The following DIS3L2 variants were observed in gnomAD, a reference collection of about 807,000 sequenced individuals.
DIS3L2 encodes DIS3-like exonuclease 2.
In DIS3L2, 34 loss-of-function variants were observed where a neutral mutation model predicts 97.5. The observed-to-expected ratio is 0.35, with a 90% CI of 0.27 to 0.46. The LOEUF is 0.46. Among genes scored for constraint, DIS3L2 ranks in the 20% least tolerant of loss-of-function variants. DIS3L2 has a pLI of 1.00. For missense variants in DIS3L2, 1,038 were observed against 1,146.0 expected, an observed-to-expected ratio of 0.91 and a Z score of 1.36; for synonymous variants, 435 against 445.2, an observed-to-expected ratio of 0.98 and a Z score of 0.29.
At chr2:232,079,842 A>G (rs965207162) in intron 5 of DIS3L2, among the ~76,000 whole-genome samples, 1 of 152,192 alleles carries the variant, frequency 6.6e-6, no homozygotes, top group Non-Finnish European at 1.5e-5. Flanking sequence ...AGGTTGTAGT[A>G]TTCTAGGAAC....
At position 231,979,251 on chromosome 2, in the gene DIS3L2, A is replaced by G. The variant is rs563618727; in HGVS notation, c.-94+17486A>G. On this transcript the variant is annotated intron_variant, in intron 1 of 20. Coordinates refer to ENST00000325385, the MANE Select transcript of DIS3L2 (RefSeq NM_152383.5). ...CAGTTTATTTTATTTATTTATTTTT[A>G]TTTAATTTATTTTTTTATTTTGAAA... Among the ~76,000 whole-genome samples, 8 of 151,800 alleles carry G rather than the reference A, an allele frequency of 5.3e-5. No individual in the cohort carries two copies. The South Asian group carries it at 1.7e-3, about 31-fold the overall frequency.
intron 9 of DIS3L2, among the ~76,000 whole-genome samples, chr2:232,182,581 G>T (rs13416596): frequency 0.23 from 35,490 of 151,980 alleles, 7,201 homozygotes; most frequent in African/African-American, 0.55. Flanking sequence ...TTTGCTTTGT[G>T]TATTTTGTGG....
chr2:232,129,022 T>C (rs764648965), intron 6 of DIS3L2, among the ~76,000 whole-genome samples: 5 of 152,206 alleles, frequency 3.3e-5, no homozygotes, highest in African/African-American at 9.6e-5. Context: ...CCCACTTCTA[T>C]GGCTTGCCCT....
intron 10 of DIS3L2, among the ~76,000 whole-genome samples, chr2:232,235,927 G>A (rs905119200): frequency 2.3e-4 from 35 of 152,226 alleles, no homozygotes; most frequent in Non-Finnish European, 4.7e-4. Context: ...GAATGAGGCA[G>A]CTAAGCTTGG....
At chr2:232,248,047 A>G (rs1693313064) in intron 11 of DIS3L2, among the ~76,000 whole-genome samples, 1 of 152,234 alleles carries the variant, frequency 6.6e-6, no homozygotes, top group Non-Finnish European at 1.5e-5. Flanking sequence ...AACAATTGCC[A>G]ATTATTTGTT....
intron 13 of DIS3L2, among the ~76,000 whole-genome samples, chr2:232,271,534 C>T (rs1694008072): frequency 1.3e-5 from 2 of 152,324 alleles, no homozygotes; most frequent in South Asian, 4.1e-4. Flanking sequence ...CTACTTCAAC[C>T]GTGGAGATAG....
At chr2:232,252,773 C>T (rs1198028886) in intron 12 of DIS3L2, among the ~76,000 whole-genome samples, 2 of 151,978 alleles carry the variant, frequency 1.3e-5, no homozygotes, top group African/African-American at 2.4e-5. Context: ...TGGTGGCATG[C>T]GCCTGTAGTC....
chr2:232,089,694 C>T (rs983189495), intron 6 of DIS3L2, among the ~76,000 whole-genome samples: 2 of 152,300 alleles, frequency 1.3e-5, no homozygotes, highest in Non-Finnish European at 2.9e-5. Context: ...TGGTGATAGG[C>T]TTGGCAGATC....
At chr2:232,063,643 C>A (rs1018276927) in intron 5 of DIS3L2, among the ~76,000 whole-genome samples, 1 of 152,124 alleles carries the variant, frequency 6.6e-6, no homozygotes, top group African/African-American at 2.4e-5. Context: ...TTAATTAAGT[C>A]TTTCCTTCGT....
intron 14 of DIS3L2, among the ~76,000 whole-genome samples, chr2:232,307,957 C>T (rs1695029380): frequency 6.6e-6 from 1 of 152,222 alleles, no homozygotes; most frequent in Non-Finnish European, 1.5e-5. Context: ...ACCTGCCTTT[C>T]TCTCCATGCC....
At chr2:232,305,129 G>T (rs912929124) in intron 14 of DIS3L2, among the ~76,000 whole-genome samples, 14 of 152,170 alleles carry the variant, frequency 9.2e-5, no homozygotes, top group Admixed American at 6.5e-4. Flanking sequence ...AGGCTGGAGT[G>T]CAGTGGCGCA....
At chr2:232,104,287 C>T (rs952936690) in intron 6 of DIS3L2, among the ~76,000 whole-genome samples, 6 of 152,112 alleles carry the variant, frequency 3.9e-5, no homozygotes, top group Admixed American at 1.3e-4. Context: ...TGTCAGAGGA[C>T]GAGGGCCTAC....
chr2:232,272,281 T>C (rs980731248), intron 13 of DIS3L2, among the ~76,000 whole-genome samples: 2 of 152,226 alleles, frequency 1.3e-5, no homozygotes, highest in Non-Finnish European at 2.9e-5. Flanking sequence ...CTCACAGTTC[T>C]GTGAAGGAGC....
intron 13 of DIS3L2, among the ~76,000 whole-genome samples, chr2:232,289,419 C>T (rs1432812627): frequency 6.6e-6 from 1 of 151,900 alleles, no homozygotes; most frequent in Non-Finnish European, 1.5e-5. Context: ...ATTACAAGTG[C>T]CCGCCACCAC....
chr2:232,260,422 C>G (rs761377488), intron 12 of DIS3L2: 2 of 152,250 alleles, frequency 1.3e-5, no homozygotes, highest in Non-Finnish European at 2.9e-5. Flanking sequence ...ACATGGCACT[C>G]CCCACTGGGA....
At chr2:232,300,540 T>C (rs1329779451) in intron 14 of DIS3L2, among the ~76,000 whole-genome samples, 1 of 152,154 alleles carries the variant, frequency 6.6e-6, no homozygotes, top group Non-Finnish European at 1.5e-5. Flanking sequence ...AATTTTATAT[T>C]AATGGTTGGG....
Position 232,189,143 on chromosome 2 carries a change from G to A in DIS3L2, c.1125-21183G>A, listed in dbSNP as rs77876500. 2.9e-3 allele frequency among the ~76,000 whole-genome samples: 434 copies of A among 152,264 alleles called. 1 individual carries two copies. The highest frequency in any genetic ancestry group is 4.7e-3 in the Non-Finnish European group (323 of 68,026). ...TCACTCAAACGTTGCCGGTGGAAAT[G>A]TAAAATGGCACAACCACTCTGGAAA... is the stretch of plus-strand genomic sequence containing the variant. On this transcript the variant is annotated intron_variant, in intron 9 of 20. Coordinates refer to ENST00000325385, the MANE Select transcript of DIS3L2 (RefSeq NM_152383.5).
intron 6 of DIS3L2, among the ~76,000 whole-genome samples, chr2:232,089,394 T>G (rs2106311910): frequency 6.6e-6 from 1 of 152,368 alleles, no homozygotes. Context: ...TTTTGGATGC[T>G]ATTCCTTGAC....
chr2:231,983,141 T>C (rs1693309554), intron 1 of DIS3L2, among the ~76,000 whole-genome samples: 1 of 152,236 alleles, frequency 6.6e-6, no homozygotes. Flanking sequence ...GAAAAGTTAT[T>C]TGAGATCATC....
Sources: gnomAD v4.1 joint callset for allele counts (sites outside exome capture counted in the v4.1 genomes callset) on GRCh38, gnomAD v4.1.1 for gene constraint, MANE v1.5 for transcripts, NCBI Gene and HGNC (gene_info 2026-07-23, HGNC 2026-07-21) for gene names.